The following RTL1 variants were observed in gnomAD, a reference collection of about 807,000 sequenced individuals.
RTL1 encodes the protein retrotransposon Gag like 1, also known as retrotransposon-like protein 1.
For synonymous variants in RTL1, 727 were observed against 748.4 expected, an observed-to-expected ratio of 0.97 and a Z score of 0.47; for missense variants, 1,681 against 1,767.5, an observed-to-expected ratio of 0.95 and a Z score of 0.88.
intron 3 of RTL1, among the ~76,000 whole-genome samples, chr14:100,888,946 T>A (rs1248848629): frequency 6.6e-6 from 1 of 152,232 alleles, no homozygotes; most frequent in Non-Finnish European, 1.5e-5. Context: ...ATTGTTAAAT[T>A]GGTGGCTGTT....
chr14:100,894,179 G>A (rs534102710), intron 2 of RTL1, among the ~76,000 whole-genome samples: 39 of 151,874 alleles, frequency 2.6e-4, no homozygotes, highest in Admixed American at 2.2e-3. Flanking sequence ...GTGTGGTGGC[G>A]TGCGCCTGTA....
chr14:100,901,067 C>G (rs1482696398), intron 2 of RTL1, among the ~76,000 whole-genome samples: 1 of 152,204 alleles, frequency 6.6e-6, no homozygotes, highest in Admixed American at 6.5e-5. Flanking sequence ...GATGCTGCCC[C>G]CCCACGGCGG....
chr14:100,883,640 G>A lies in RTL1; in HGVS notation c.1149C>T (p.Asp383=). The A allele has an allele frequency of 6.4e-7, 1 of 1,551,282 alleles. No homozygotes were observed. The highest frequency in any genetic ancestry group is 8.7e-7 in the Non-Finnish European group (1 of 1,146,916). Residue 383 remains aspartate (D), a synonymous_variant, in exon 4 of 4, where the codon GAC becomes GAT. Coordinates refer to ENST00000649591, the MANE Select transcript of RTL1 (RefSeq NM_001134888.3). This position sits in a 1 kb window ranked among gnomAD's most constrained non-coding sequence, Gnocchi z 5.9. Reference sequence around the variant, plus strand: ...CCATCCACCTCTCTGGAGCAGGTGAGTCGATCCAGGTCAGGTTCCGGGGGC... The same window carrying A: ...CCATCCACCTCTCTGGAGCAGGTGAATCGATCCAGGTCAGGTTCCGGGGGC... The part of the protein sequence containing the change: ...EARPRNLTWI[D]SPAPERWMVS...
In RTL1 at chr14:100,882,489, T is replaced by C. The variant is rs917824413; in HGVS notation, c.2300A>G (p.Lys767Arg). 2 of 1,552,024 alleles carry C rather than the reference T, an allele frequency of 1.3e-6. No homozygotes were observed. The highest frequency in any genetic ancestry group is 1.7e-4 in the Middle Eastern group (1 of 5,996). The change falls in exon 4 of 4, where the codon AAG (lysine) becomes AGG (arginine). Residue 767 changes from lysine to arginine, a missense_variant. Coordinates refer to ENST00000649591, the MANE Select transcript of RTL1 (RefSeq NM_001134888.3). ...CACGGTTTGGCGGTGGAACTGGCTC[T>C]TGTCCAGGGAGCAGTAGACGTTGTG... ...RHHNVYCSLD[K>R]SQFHRQTVEF...
chr14:100,881,188 C>G lies in RTL1; in HGVS notation c.3601G>C (p.Gly1201Arg). The G allele has an allele frequency of 1.3e-6, 2 of 1,541,050 alleles. No individual in the cohort carries two copies. The highest frequency in any genetic ancestry group is 1.8e-6 in the Non-Finnish European group (2 of 1,141,666). ...CCCTCCTGGGGGGTGACTCTGACAC[C>G]GAAGAACTCACACAGCGTCAGCCAG... The part of the protein sequence containing the change: ...GFWLTLCEFF[G>R]VRVTPQEGHL... The change falls in exon 4 of 4, where the codon GGT becomes CGT. Residue 1201 changes from glycine to arginine, a missense_variant. Transcript: ENST00000649591. The surrounding 1 kb of genome is among the most constrained non-coding windows in gnomAD (Gnocchi z 6.6).
Position 100,882,820 on chromosome 14 carries a change from A to G in RTL1, c.1969T>C (p.Leu657=). 1 of 1,552,274 alleles carries G rather than the reference A, an allele frequency of 6.4e-7. No homozygotes were observed. The highest frequency in any genetic ancestry group is 2.0e-5 in the Admixed American group (1 of 51,032). ...TTTGTGAACCACTCGGCTCCGTGTAACTGGTCAAACAGTTCCGGAATCATC... is the reference window on the plus strand; with the variant it reads ...TTTGTGAACCACTCGGCTCCGTGTAGCTGGTCAAACAGTTCCGGAATCATC... ...IQMIPELFDQ[L]HGAEWFTKLE... Residue 657 remains leucine (L), a synonymous_variant, in exon 4 of 4, where the codon TTA becomes CTA. Transcript: ENST00000649591.
intron 3 of RTL1, among the ~76,000 whole-genome samples, chr14:100,888,241 C>G (rs1372100736): frequency 6.6e-6 from 1 of 152,172 alleles, no homozygotes; most frequent in Non-Finnish European, 1.5e-5. Flanking sequence ...AAAATCTGAT[C>G]ATATCATCTT....
intron 3 of RTL1, among the ~76,000 whole-genome samples, chr14:100,890,918 T>C (rs1274848692): frequency 2.0e-5 from 3 of 152,148 alleles, no homozygotes; most frequent in African/African-American, 7.2e-5. Context: ...TATCGATTAT[T>C]ATTATTATTT....
At position 100,884,103 on chromosome 14, in the gene RTL1, C is replaced by G. The variant is rs914983423; in HGVS notation, c.686G>C (p.Arg229Thr). Residue 229 changes from arginine to threonine, a missense_variant, in exon 4 of 4, where the codon AGA (arginine) becomes ACA (threonine). By Grantham distance (71) the Arg-to-Thr change is moderately conservative. Coordinates refer to ENST00000649591, the MANE Select transcript of RTL1 (RefSeq NM_001134888.3). ...TCTCAGACGGTCGTTATAGAACATTCTTGGGTAGCTCTGTAAGGTCAGTTG... is the reference window on the plus strand; with the variant it reads ...TCTCAGACGGTCGTTATAGAACATTGTTGGGTAGCTCTGTAAGGTCAGTTG... ...LCQLTLQSYP[R>T]MFYNDRLRVG... 8 of 1,551,584 alleles carry G rather than the reference C, an allele frequency of 5.2e-6. No homozygotes were observed. Among genetic ancestry groups the G allele is most frequent in the Non-Finnish European group, 7.0e-6 (8 of 1,147,008 alleles).
chr14:100,884,817 A>AAGATTGG lies in RTL1; in HGVS notation c.-36_-30dup. The AAGATTGG allele has an allele frequency of 7.9e-6, 12 of 1,527,754 alleles. No individual in the cohort carries two copies. The highest frequency in any genetic ancestry group is 1.1e-5 in the Non-Finnish European group (12 of 1,137,138). The allele number at this position is 1,527,754 out of a possible 1,614,324, so 94.6% of individuals were successfully genotyped here. The stretch of plus-strand genomic sequence containing the variant: ...GTCGGATGGAAAGGAGTGTATTCTG[A>AAGATTGG]AGATTGGTAAGGTTGTGATGGCGTC... On this transcript the variant is annotated 5_prime_UTR_variant, in exon 4 of 4. Coordinates refer to ENST00000649591, the MANE Select transcript of RTL1 (RefSeq NM_001134888.3).
At position 100,881,994 on chromosome 14, in the gene RTL1, A is replaced by G; in HGVS notation, c.2795T>C (p.Met932Thr). ...GTTCTCCAGGTAGCGGCACCACACC[A>G]TGAAGGCAGCCCGTATTGGAAGAAT... is the stretch of plus-strand genomic sequence containing the variant. ...MKILPIRAAFMVWCRYLENTE... is the reference protein window; with the variant it reads ...MKILPIRAAFTVWCRYLENTE... Residue 932 changes from methionine (M) to threonine (T), a missense_variant, in exon 4 of 4, where the codon ATG becomes ACG. Transcript: ENST00000649591. This position sits in a 1 kb window ranked among gnomAD's most constrained non-coding sequence, Gnocchi z 6.6. The G allele has an allele frequency of 3.1e-6, 5 of 1,613,678 alleles. No homozygotes were observed. Among genetic ancestry groups the G allele is most frequent in the South Asian group, 2.2e-5 (2 of 91,058 alleles).
rs1257813176 is a variant in RTL1, at chr14:100,882,084, C to T, written c.2705G>A (p.Cys902Tyr). 2 of 1,592,336 alleles carry T rather than the reference C, an allele frequency of 1.3e-6. No homozygotes were observed. Among genetic ancestry groups the T allele is most frequent in the South Asian group, 2.3e-5 (2 of 88,854 alleles). The part of the protein sequence containing the change: ...QIDDQTGKRA[C>Y]CAFYSRNISP... ...GATGTTGCGGGAGTAGAAAGCGCAG[C>T]AGGCTCTCTTGCCGGTTTGGTCGTC... is the stretch of plus-strand genomic sequence containing the variant. Residue 902 changes from cysteine to tyrosine, a missense_variant, in exon 4 of 4, where the codon TGC (cysteine) becomes TAC (tyrosine). Transcript: ENST00000649591.
At chr14:100,895,581 A>T (rs1385699225) in intron 2 of RTL1, among the ~76,000 whole-genome samples, 1 of 151,922 alleles carries the variant, frequency 6.6e-6, no homozygotes, top group Admixed American at 6.6e-5. Context: ...TGTGGGGAGC[A>T]GGGTCGGGGT....
At chr14:100,885,114 T>A (rs1950623) in intron 3 of RTL1, among the ~76,000 whole-genome samples, 51,268 of 152,174 alleles carry the variant, frequency 0.34, 9,113 homozygotes, top group Middle Eastern at 0.46. Flanking sequence ...TGTCCTGTCC[T>A]TTTCCTCCAT....
At position 100,884,792 on chromosome 14, in the gene RTL1, G is replaced by T. The variant is rs754815963; in HGVS notation, c.-4C>A. 1 of 1,554,824 alleles carries T rather than the reference G, an allele frequency of 6.4e-7. No homozygotes were observed. On this transcript the variant is annotated 5_prime_UTR_variant, in exon 4 of 4. Transcript: ENST00000649591. Reference sequence around the variant, plus strand: ...AGTCTTCAGAGGGTTCTATCATTTCGTCGGATGGAAAGGAGTGTATTCTGA... The same window carrying T: ...AGTCTTCAGAGGGTTCTATCATTTCTTCGGATGGAAAGGAGTGTATTCTGA...
chr14:100,900,893 A>G (rs998785772), intron 2 of RTL1, among the ~76,000 whole-genome samples: 1 of 152,214 alleles, frequency 6.6e-6, no homozygotes, highest in Non-Finnish European at 1.5e-5. Flanking sequence ...CAACCTTTTA[A>G]TAGGTTAAAA....
chr14:100,896,277 G>T (rs551498496), intron 2 of RTL1, among the ~76,000 whole-genome samples: 16 of 152,272 alleles, frequency 1.1e-4, no homozygotes, highest in South Asian at 2.1e-4. Context: ...GTTGAAAATA[G>T]GTCTCTGCCT....
At position 100,900,377 on chromosome 14, in the gene RTL1, C is replaced by A. The variant is rs188844329; in HGVS notation, c.-149+2914G>T. Among the ~76,000 whole-genome samples, 9 of 152,324 alleles carry A rather than the reference C, an allele frequency of 5.9e-5. No homozygotes were observed. In the East Asian group the frequency reaches 1.7e-3, roughly 29 times the overall value. ...TGCCCTTTACACAAAAGGGAACCTC[C>A]TCGGCCGCTGTGAACAAAGGCTCCG... On this transcript the variant is annotated intron_variant, in intron 2 of 3. Coordinates refer to ENST00000649591, the MANE Select transcript of RTL1 (RefSeq NM_001134888.3).
Position 100,883,525 on chromosome 14 carries a change from T to TG in RTL1, c.1263dup (p.Ser422GlnfsTer13). 1.3e-6 allele frequency: 2 copies of TG among 1,551,502 alleles called. No individual in the cohort carries two copies. The highest frequency in any genetic ancestry group is 1.7e-6 in the Non-Finnish European group (2 of 1,146,988). On this transcript the variant is annotated frameshift_variant, in exon 4 of 4. Coordinates refer to ENST00000649591, the MANE Select transcript of RTL1 (RefSeq NM_001134888.3). LOFTEE classifies it low-confidence loss of function (END_TRUNC). This position sits in a 1 kb window ranked among gnomAD's most constrained non-coding sequence, Gnocchi z 5.9. ...TCCACCAGGGCCTGGACCGCGACGC[T>TG]GTGGTAGGGGTTCACTCTCACCATG...
Sources: allele counts gnomAD v4.1 joint callset (sites outside exome capture counted in the v4.1 genomes callset), GRCh38; gene constraint gnomAD v4.1.1; non-coding constraint Gnocchi (gnomAD v3.1); transcripts MANE v1.5; gene names NCBI Gene and HGNC (gene_info 2026-07-23, HGNC 2026-07-21).